Variants in NPAS3 observed in about 807,000 individuals in gnomAD.
NPAS3 encodes the protein neuronal PAS domain-containing protein 3.
A neutral mutation model predicts 73.1 loss-of-function variants in NPAS3; 14 were observed. That is an observed-to-expected ratio of 0.19 (90% CI 0.13 to 0.30). The LOEUF (loss-of-function observed/expected upper bound fraction) is 0.30. Among genes scored for constraint, NPAS3 ranks in the 10% least tolerant of loss-of-function variants. The pLI, the probability that NPAS3 is intolerant of heterozygous loss-of-function variation, is 1.00. For synonymous variants in NPAS3, 620 were observed against 541.5 expected (o/e 1.14, Z -2.01); for missense variants, 1,096 against 1,250.0 (o/e 0.88, Z 1.86).
intron 4 of NPAS3, among the ~76,000 whole-genome samples, chr14:33,435,322 T>A (rs1021562595): frequency 5.9e-5 from 9 of 152,216 alleles, no homozygotes; most frequent in African/African-American, 2.2e-4. Context: ...ATATTTGGGA[T>A]ATTTTAATAA....
chr14:32,943,942 A>G (rs1375859919), intron 1 of NPAS3, among the ~76,000 whole-genome samples: 3 of 152,108 alleles, frequency 2.0e-5, no homozygotes, highest in Non-Finnish European at 4.4e-5. Context: ...TGCCTGCCTC[A>G]GCCTCCCAAA....
At chr14:33,569,971 T>C (rs903536974) in intron 5 of NPAS3, among the ~76,000 whole-genome samples, 2 of 152,200 alleles carry the variant, frequency 1.3e-5, no homozygotes, top group African/African-American at 4.8e-5. Context: ...ATGTTAAGGC[T>C]AAAAACCTGC....
chr14:33,018,052 G>A (rs1211737965), intron 1 of NPAS3, among the ~76,000 whole-genome samples: 3 of 152,014 alleles, frequency 2.0e-5, no homozygotes, highest in Non-Finnish European at 2.9e-5. Flanking sequence ...AAAAGAAACT[G>A]GTCCCATTAC....
At chr14:33,388,032 G>A (rs2046842706) in intron 4 of NPAS3, among the ~76,000 whole-genome samples, 1 of 152,112 alleles carries the variant, frequency 6.6e-6, no homozygotes, top group Non-Finnish European at 1.5e-5. Context: ...AGGTGCCATA[G>A]GGGTGTGACC....
At chr14:32,970,232 T>C (rs932581363) in intron 1 of NPAS3, among the ~76,000 whole-genome samples, 5 of 152,222 alleles carry the variant, frequency 3.3e-5, no homozygotes, top group African/African-American at 1.2e-4. Context: ...AATTCATATC[T>C]GAAAATTCTC....
At chr14:33,267,203 G>A (rs2040857285) in intron 3 of NPAS3, among the ~76,000 whole-genome samples, 1 of 152,144 alleles carries the variant, frequency 6.6e-6, no homozygotes, top group African/African-American at 2.4e-5. Context: ...GGCATATCAA[G>A]GTCAGGCTAT....
At chr14:33,100,488 T>C (rs553054117) in intron 2 of NPAS3, among the ~76,000 whole-genome samples, 1 of 152,304 alleles carries the variant, frequency 6.6e-6, no homozygotes, top group Admixed American at 6.5e-5. Flanking sequence ...AAAAGCCTAC[T>C]TAGACATTTG....
intron 5 of NPAS3, among the ~76,000 whole-genome samples, chr14:33,667,860 T>C (rs2059498974): frequency 6.6e-6 from 1 of 152,160 alleles, no homozygotes; most frequent in Admixed American, 6.5e-5. Flanking sequence ...TAACCACCTA[T>C]ATTCTACAGT....
chr14:33,404,504 G>T (rs984536832), intron 4 of NPAS3, among the ~76,000 whole-genome samples: 1 of 151,702 alleles, frequency 6.6e-6, no homozygotes, highest in African/African-American at 2.4e-5. Flanking sequence ...CTTCTCTTTA[G>T]ATCTTACAGC....
intron 3 of NPAS3, among the ~76,000 whole-genome samples, chr14:33,364,920 G>A (rs2140408814): frequency 6.6e-6 from 1 of 151,654 alleles, no homozygotes; most frequent in Middle Eastern, 3.4e-3. Flanking sequence ...ATAACCTGGT[G>A]GCTATTACTC....
At chr14:33,493,567 C>T (rs943704548) in intron 4 of NPAS3, among the ~76,000 whole-genome samples, 4 of 152,022 alleles carry the variant, frequency 2.6e-5, no homozygotes, top group Admixed American at 6.6e-5. Flanking sequence ...AAGGCGTGCC[C>T]CATGTTACCT....
In NPAS3 at chr14:33,335,185, A is replaced by G. The variant is rs566941837; in HGVS notation, c.386-32001A>G. Among the ~76,000 whole-genome samples the G allele has an allele frequency of 1.1e-4, 17 of 152,262 alleles. No homozygotes were observed. The South Asian group carries it at 3.3e-3, about 30-fold the overall frequency. On this transcript the variant is annotated intron_variant, in intron 3 of 11. Transcript: ENST00000356141. ...ATGCATGTTCAACTATCTTTTTTGT[A>G]TAAAGACTTCTTTTCCTCTGGGTAG...
Position 33,137,853 on chromosome 14 carries a change from T to A in NPAS3, c.141-77329T>A, listed in dbSNP as rs530865277. 1.7e-4 allele frequency among the ~76,000 whole-genome samples: 26 copies of A among 152,238 alleles called. 1 individual carries two copies. In the South Asian group the frequency reaches 4.6e-3, roughly 27 times the overall value. Reference sequence around the variant, plus strand: ...AGTTTGGGAAATCTGTTAATCTAGATTTAAATATGGAATTCTGTTGTGAAA... The same window carrying A: ...AGTTTGGGAAATCTGTTAATCTAGAATTAAATATGGAATTCTGTTGTGAAA... On this transcript the variant is annotated intron_variant, in intron 2 of 11. Coordinates refer to ENST00000356141, the Ensembl canonical transcript of NPAS3.
chr14:33,480,791 G>C (rs1047921527), intron 4 of NPAS3, among the ~76,000 whole-genome samples: 1 of 151,858 alleles, frequency 6.6e-6, no homozygotes, highest in Non-Finnish European at 1.5e-5. Context: ...TGTCATGGAG[G>C]TGTCAGCCCT....
chr14:33,778,359 G>T, intron 8 of NPAS3, 107 bp from the exon 9 acceptor site: 2 of 765,874 alleles, frequency 2.6e-6, no homozygotes, highest in Non-Finnish European at 4.5e-6. Context: ...CTCCTCACGG[G>T]TACAGTAGTA....
intron 5 of NPAS3, among the ~76,000 whole-genome samples, chr14:33,624,034 C>G (rs982235647): frequency 1.3e-5 from 2 of 152,202 alleles, no homozygotes; most frequent in Non-Finnish European, 2.9e-5. Context: ...TGAAGTTTCT[C>G]AGACTACCAC....
At chr14:32,965,317 C>G (rs993876918) in intron 1 of NPAS3, among the ~76,000 whole-genome samples, 1 of 152,140 alleles carries the variant, frequency 6.6e-6, no homozygotes, top group Non-Finnish European at 1.5e-5. Flanking sequence ...TAACAAAATA[C>G]TAGCAAACTA....
intron 2 of NPAS3, among the ~76,000 whole-genome samples, chr14:33,110,592 G>A (rs899982976): frequency 1.3e-5 from 2 of 152,050 alleles, no homozygotes; most frequent in Admixed American, 6.5e-5. Context: ...GGAAATGCAA[G>A]CTTAAATGGA....
chr14:33,326,333 T>G (rs949260517), intron 3 of NPAS3, among the ~76,000 whole-genome samples: 1 of 152,142 alleles, frequency 6.6e-6, no homozygotes, highest in African/African-American at 2.4e-5. Flanking sequence ...AAACAGAGAA[T>G]GCAGAAAGAA....
Sources: allele counts gnomAD v4.1 joint callset (sites outside exome capture counted in the v4.1 genomes callset), GRCh38; gene constraint gnomAD v4.1.1; transcripts MANE v1.5; gene names NCBI Gene and HGNC (gene_info 2026-07-23, HGNC 2026-07-21).